KATNAL2: variants seen among roughly 807,000 people sequenced by gnomAD.
KATNAL2 encodes the protein katanin catalytic subunit A1 like 2.
KATNAL2 carries 52 observed loss-of-function variants against 76.3 expected under a neutral mutation model. The ratio of observed to expected loss-of-function variants is 0.68; its 90% CI spans 0.55 to 0.86. KATNAL2 has a LOEUF of 0.86. KATNAL2 is among the 40% of genes least tolerant of loss of function. The pLI is 0.00. For synonymous variants in KATNAL2, 243 were observed against 244.2 expected, an observed-to-expected ratio of 1.00 and a Z score of 0.05; for missense variants, 660 against 668.9, an observed-to-expected ratio of 0.99 and a Z score of 0.15.
intron 1 of KATNAL2, among the ~76,000 whole-genome samples, chr18:46,934,816 A>T (rs555220730): frequency 2.0e-5 from 3 of 152,064 alleles, no homozygotes; most frequent in African/African-American, 4.8e-5. Flanking sequence ...ATCTTGAATT[A>T]ATTTTTGTAT....
chr18:47,079,799 T>C (rs902825142), intron 15 of KATNAL2, among the ~76,000 whole-genome samples: 20 of 152,212 alleles, frequency 1.3e-4, no homozygotes, highest in Non-Finnish European at 1.5e-5. Context: ...GACTAAAGGT[T>C]AGATAGATTA....
intron 3 of KATNAL2, chr18:47,034,392 G>T (rs1408489870): frequency 2.4e-5 from 39 of 1,613,932 alleles, no homozygotes; most frequent in Non-Finnish European, 3.2e-5. Context: ...GGACACGCTG[G>T]CCGCTGCCAG....
chr18:47,092,971 A>C (rs927839078), intron 15 of KATNAL2, among the ~76,000 whole-genome samples: 1 of 152,342 alleles, frequency 6.6e-6, no homozygotes, highest in East Asian at 1.9e-4. Context: ...TCTATGCTAG[A>C]AATTATTTCT....
chr18:47,046,775 T>C (rs1410030735), intron 4 of KATNAL2, among the ~76,000 whole-genome samples: 1 of 152,188 alleles, frequency 6.6e-6, no homozygotes, highest in African/African-American at 2.4e-5. Flanking sequence ...CTGAAGTCCA[T>C]AGTTTACATT....
intron 1 of KATNAL2, among the ~76,000 whole-genome samples, chr18:46,927,324 T>C (rs1328851871): frequency 6.6e-6 from 1 of 152,184 alleles, no homozygotes; most frequent in Non-Finnish European, 1.5e-5. Flanking sequence ...TAAAGTATTT[T>C]ATTTCTCCTT....
chr18:47,066,889 A>G (rs1419525321), intron 10 of KATNAL2, 132 bp from the exon 11 acceptor site: 7 of 66,078 alleles, frequency 1.1e-4, no homozygotes, highest in Non-Finnish European at 1.5e-4. Flanking sequence ...ATATATATAT[A>G]TATAATATGA....
intron 15 of KATNAL2, among the ~76,000 whole-genome samples, chr18:47,077,827 AAAATT>A (rs1432742983): frequency 6.6e-6 from 1 of 152,184 alleles, no homozygotes; most frequent in Non-Finnish European, 1.5e-5. Context: ...TTATAGTATT[AAAATT>A]AAACTTTTTT....
intron 3 of KATNAL2, among the ~76,000 whole-genome samples, chr18:47,044,533 C>G (rs369470266): frequency 7.0e-6 from 1 of 143,312 alleles, no homozygotes; most frequent in African/African-American, 2.6e-5. Context: ...CCGAAGCAGG[C>G]GGATCATCTG....
At position 47,080,295 on chromosome 18, in the gene KATNAL2, T is replaced by C. The variant is rs959625530; in HGVS notation, c.1211+2834T>C. The stretch of plus-strand genomic sequence containing the variant: ...GGTACAACCCCATTAGTTTCATTTT[T>C]TCCCCCTAAAATTTTATTGAGATAT... On this transcript the variant is annotated intron_variant, in intron 15 of 17. Coordinates refer to ENST00000683218, the MANE Select transcript of KATNAL2 (RefSeq NM_001387690.1). 1.3e-4 allele frequency among the ~76,000 whole-genome samples: 20 copies of C among 152,210 alleles called. No homozygotes were observed. The East Asian group carries it at 3.5e-3, about 26-fold the overall frequency.
intron 6 of KATNAL2, among the ~76,000 whole-genome samples, chr18:47,056,689 G>T (rs1199639228): frequency 6.6e-6 from 1 of 152,124 alleles, no homozygotes; most frequent in Non-Finnish European, 1.5e-5. Context: ...CTTGTATTTT[G>T]GTCTTGTTAA....
At chr18:47,034,131 C>G in intron 3 of KATNAL2, 1 of 1,614,232 alleles carries the variant, frequency 6.2e-7, no homozygotes, top group Non-Finnish European at 8.5e-7. Flanking sequence ...ACAGAGTGGG[C>G]TGCTCGAATT....
intron 6 of KATNAL2, among the ~76,000 whole-genome samples, chr18:47,057,127 T>C (rs2571021): frequency 0.48 from 73,073 of 152,016 alleles, 17,552 homozygotes; most frequent in Admixed American, 0.56. Context: ...GGCCAAATAG[T>C]TGTGCATTTA....
chr18:47,055,469 G>A (rs2061445032), intron 6 of KATNAL2, among the ~76,000 whole-genome samples: 1 of 152,180 alleles, frequency 6.6e-6, no homozygotes, highest in Non-Finnish European at 1.5e-5. Context: ...TCAGAAGGAA[G>A]GGCCTAGGAC....
intron 1 of KATNAL2, among the ~76,000 whole-genome samples, chr18:46,945,334 A>G (rs972355948): frequency 6.6e-6 from 1 of 152,248 alleles, no homozygotes; most frequent in African/African-American, 2.4e-5. Flanking sequence ...GGTTAAGTAT[A>G]GTGATTGTTA....
chr18:47,033,156 G>C lies in KATNAL2; in HGVS notation c.52-13301G>C, dbSNP rs543160054. ...GGTTGGCCCGCTTCTCAGGGAGCCA[G>C]CGAAGGATGCTGCTGCTGCTGTCTC... On this transcript the variant is annotated intron_variant, in intron 3 of 17. Transcript: ENST00000683218. The C allele has an allele frequency of 4.3e-6, 7 of 1,614,104 alleles. No homozygotes were observed. In the East Asian group the frequency reaches 6.7e-5, roughly 15 times the overall value.
intron 1 of KATNAL2, among the ~76,000 whole-genome samples, chr18:46,943,333 C>T (rs903460341): frequency 6.6e-6 from 1 of 152,156 alleles, no homozygotes; most frequent in African/African-American, 2.4e-5. Flanking sequence ...ACCTACTGGG[C>T]TGCATTCTCA....
At chr18:46,920,725 C>T (rs776626109) in intron 1 of KATNAL2, among the ~76,000 whole-genome samples, 6 of 152,310 alleles carry the variant, frequency 3.9e-5, no homozygotes, top group East Asian at 1.9e-4. Flanking sequence ...TTTCTCTTCA[C>T]TGTTGTGATC....
intron 3 of KATNAL2, chr18:47,035,571 T>A (rs1426952415): frequency 5.2e-6 from 3 of 580,260 alleles, no homozygotes; most frequent in Non-Finnish European, 3.1e-6. Context: ...GAGCTGGGCC[T>A]TATGTAGCCC....
At chr18:47,034,159 T>C in intron 3 of KATNAL2, 1 of 1,614,188 alleles carries the variant, frequency 6.2e-7, no homozygotes, top group Non-Finnish European at 8.5e-7. Context: ...CATATCTACC[T>C]CCTCCACCTC....
Sources: allele counts gnomAD v4.1 joint callset (sites outside exome capture counted in the v4.1 genomes callset), GRCh38; gene constraint gnomAD v4.1.1; transcripts MANE v1.5; gene names NCBI Gene and HGNC (gene_info 2026-07-23, HGNC 2026-07-21).